Variants in NIT2 observed in about 807,000 individuals in gnomAD.
NIT2 encodes nitrilase family member 2, also known as omega-amidase NIT2.
A neutral mutation model predicts 42.7 loss-of-function variants in NIT2; 46 were observed. The ratio of observed to expected loss-of-function variants is 1.08; its 90% CI spans 0.85 to 1.38. The LOEUF (loss-of-function observed/expected upper bound fraction) is 1.38, where lower values mean the gene tolerates loss of function less well. Among genes scored for constraint, NIT2 ranks in the 40% most tolerant of loss-of-function variants. The pLI, the probability that NIT2 is intolerant of heterozygous loss-of-function variation, is 0.00. For missense variants in NIT2, 309 were observed against 342.5 expected (o/e 0.90, Z 0.77); for synonymous variants, 123 against 121.9 (o/e 1.01, Z -0.06).
rs772538533 is a variant in NIT2, at chr3:100,339,152, T to G, written c.73T>G (p.Cys25Gly). 1.2e-6 allele frequency: 2 copies of G among 1,614,044 alleles called. No homozygotes were observed. The highest frequency in any genetic ancestry group is 1.7e-6 in the Non-Finnish European group (2 of 1,180,006). ...SIKSDNVTRACSFIREAATQG... is the reference protein window; with the variant it reads ...SIKSDNVTRAGSFIREAATQG... ...CAAATCAGATAACGTCACTCGCGCT[T>G]GTAGCTTCATCCGGGAGGCAGCAAC... Residue 25 changes from cysteine (C) to glycine (G), a missense_variant, in exon 2 of 10, where the codon TGT becomes GGT. By Grantham distance (159) the Cys-to-Gly change is radical (BLOSUM62 -3). Coordinates refer to ENST00000394140, the MANE Select transcript of NIT2 (RefSeq NM_020202.5).
At position 100,358,794 on chromosome 3, in the gene NIT2, A is replaced by G. The variant is rs888251994; in HGVS notation, c.*3526A>G. On this transcript the variant is annotated 3_prime_UTR_variant, in exon 10 of 10. Coordinates refer to ENST00000394140, the MANE Select transcript of NIT2 (RefSeq NM_020202.5). ...GTACACCAAGTGGAAAAAAGTTTAG[A>G]CAAGAGTTTAGGTTTCAAGATAAAT... 6.6e-6 allele frequency: 1 copy of G among 152,200 alleles called. No homozygotes were observed. The highest frequency in any genetic ancestry group is 6.5e-5 in the Admixed American group (1 of 15,284). 9.4% of individuals were successfully genotyped at this position (152,200 alleles called of 1,614,324 possible). A position where few individuals can be genotyped will look rare whatever the true frequency, so the allele number is the denominator to read the frequency against.
chr3:100,351,033 A>G (rs1044259555), intron 7 of NIT2, among the ~76,000 whole-genome samples: 9 of 152,142 alleles, frequency 5.9e-5, no homozygotes, highest in Non-Finnish European at 1.2e-4. Flanking sequence ...AAAGGACATG[A>G]ACTCATCATT....
intron 7 of NIT2, chr3:100,349,108 CTTTTT>C (rs748206956): frequency 1.3e-5 from 3 of 229,412 alleles, no homozygotes; most frequent in Non-Finnish European, 2.5e-5. Flanking sequence ...GGAAACTGTA[CTTTTT>C]TTTTTTTTTT....
In NIT2 at chr3:100,352,516, A is replaced by C; in HGVS notation, c.683+14A>C. ...GGTGAACCCTTGGTGAGTAAGGCTA[A>C]GTGAGAATAGGCTCAGTCGGAGCTT... On this transcript the variant is annotated intron_variant, in intron 8 of 9. Coordinates refer to ENST00000394140, the MANE Select transcript of NIT2 (RefSeq NM_020202.5). The C allele has an allele frequency of 6.2e-7, 1 of 1,601,086 alleles. No individual in the cohort carries two copies. The highest frequency in any genetic ancestry group is 8.6e-7 in the Non-Finnish European group (1 of 1,168,860).
At chr3:100,348,167 C>T (rs1401145869) in intron 6 of NIT2, among the ~76,000 whole-genome samples, 2 of 152,224 alleles carry the variant, frequency 1.3e-5, no homozygotes, top group East Asian at 1.9e-4. Flanking sequence ...GCTGGGATTA[C>T]AGGCGTGAGC....
At position 100,349,119 on chromosome 3, in the gene NIT2, T is replaced by C. The variant is rs1706247652; in HGVS notation, c.584+238T>C. The C allele has an allele frequency of 2.3e-5, 9 of 385,590 alleles. No homozygotes were observed. In the South Asian group the frequency reaches 2.4e-4, roughly 10 times the overall value. 23.9% of individuals were successfully genotyped at this position (385,590 alleles called of 1,614,324 possible). A position where few individuals can be genotyped will look rare whatever the true frequency, so the allele number is the denominator to read the frequency against. ...TTTTGGAAACTGTACTTTTTTTTTT[T>C]TTTTTTTCTTTTTAAGAGACGGGTC... On this transcript the variant is annotated intron_variant, in intron 7 of 9. Transcript: ENST00000394140.
At chr3:100,353,808 C>G (rs937610164) in intron 8 of NIT2, among the ~76,000 whole-genome samples, 4 of 144,022 alleles carry the variant, frequency 2.8e-5, no homozygotes, top group African/African-American at 7.8e-5. Flanking sequence ...GAGTTTCACT[C>G]TGTCGCCCAG....
chr3:100,354,669 C>T, intron 8 of NIT2, 103 bp from the exon 9 acceptor site: 1 of 766,410 alleles, frequency 1.3e-6, no homozygotes, highest in Non-Finnish European at 2.1e-6. Flanking sequence ...TTTTCAATCT[C>T]ATACTTTCCC....
At chr3:100,340,930 T>A in intron 3 of NIT2, 143 bp from the exon 4 acceptor site, 1 of 615,826 alleles carries the variant, frequency 1.6e-6, no homozygotes, top group Non-Finnish European at 2.9e-6. Flanking sequence ...AGGTGTTGCC[T>A]TATTCTAAAA....
rs144864421 is a variant in NIT2, at chr3:100,354,828, G to A, written c.739+1G>A. ...GAAGCAATCGTGTATTCAGACATAG[G>A]TAAGATTTTCCTGGGCATGGTTTAG... On this transcript the variant is annotated splice_donor_variant, in intron 9 of 9. Transcript: ENST00000394140. LOFTEE classifies it high-confidence loss of function. 1.9e-6 allele frequency: 3 copies of A among 1,610,590 alleles called. No individual in the cohort carries two copies. The highest frequency in any genetic ancestry group is 2.7e-5 in the African/African-American group (2 of 74,850).
intron 3 of NIT2, 125 bp from the exon 4 acceptor site, chr3:100,340,948 G>A: frequency 1.6e-6 from 1 of 639,856 alleles, no homozygotes; most frequent in South Asian, 2.0e-5. Flanking sequence ...AAAACAAAAT[G>A]AATAAATAAA....
chr3:100,346,383 C>G, intron 6 of NIT2, 128 bp downstream of exon 6: 1 of 775,982 alleles, frequency 1.3e-6, no homozygotes, highest in Admixed American at 2.3e-5. Context: ...AGCCCTTTCA[C>G]CCCCATGAGG....
At chr3:100,337,759 T>C (rs1217970609) in intron 1 of NIT2, among the ~76,000 whole-genome samples, 1 of 152,130 alleles carries the variant, frequency 6.6e-6, no homozygotes, top group African/African-American at 2.4e-5. Context: ...GGCGGAAAAT[T>C]TTATATAAAA....
In NIT2 at chr3:100,361,537, A is replaced by G. The variant is rs987371126; in HGVS notation, c.*6269A>G. On this transcript the variant is annotated 3_prime_UTR_variant, in exon 10 of 10. Transcript: ENST00000394140. ...TATCCCAGTGATCAGCAGGCCCTCCAGCATGAAGACCTTTGAGAAGGATCT... is the reference window on the plus strand; with the variant it reads ...TATCCCAGTGATCAGCAGGCCCTCCGGCATGAAGACCTTTGAGAAGGATCT... 29 of 152,258 alleles carry G rather than the reference A, an allele frequency of 1.9e-4. No individual in the cohort carries two copies. The highest frequency in any genetic ancestry group is 7.0e-4 in the African/African-American group (29 of 41,450). 9.4% of individuals were successfully genotyped at this position (152,258 alleles called of 1,614,324 possible).
At chr3:100,354,385 G>T (rs1000980951) in intron 8 of NIT2, among the ~76,000 whole-genome samples, 1 of 152,152 alleles carries the variant, frequency 6.6e-6, no homozygotes, top group Non-Finnish European at 1.5e-5. Flanking sequence ...CCATTGTAAA[G>T]GGGGGGTCCA....
intron 6 of NIT2, 119 bp downstream of exon 6, chr3:100,346,374 G>A: frequency 1.2e-6 from 1 of 847,672 alleles, no homozygotes. Flanking sequence ...TCCATCTTCA[G>A]CCCTTTCACC....
At position 100,360,292 on chromosome 3, in the gene NIT2, A is replaced by AGAAAGCAGT. The variant is rs900706456; in HGVS notation, c.*5035_*5043dup. 3.3e-5 allele frequency: 5 copies of AGAAAGCAGT among 152,274 alleles called. No homozygotes were observed. The highest frequency in any genetic ancestry group is 7.3e-5 in the Non-Finnish European group (5 of 68,092). The allele number at this position is 152,274 out of a possible 1,614,324, so 9.4% of individuals were successfully genotyped here. A position where few individuals can be genotyped will look rare whatever the true frequency, so the allele number is the denominator to read the frequency against. On this transcript the variant is annotated 3_prime_UTR_variant, in exon 10 of 10. Transcript: ENST00000394140. ...ATTTACTTAAGATCTTAGCTCCATT[A>AGAAAGCAGT]GAAAGCAGTGAAAGCAGTGTTAATT... is the stretch of plus-strand genomic sequence containing the variant.
In NIT2 at chr3:100,339,151, T is replaced by C. The variant is rs762120460; in HGVS notation, c.72T>C (p.Ala24=). 6.2e-7 allele frequency: 1 copy of C among 1,614,132 alleles called. No homozygotes were observed. Among genetic ancestry groups the C allele is most frequent in the East Asian group, 2.2e-5 (1 of 44,874 alleles). ...SSIKSDNVTR[A]CSFIREAATQ... ...TCAAATCAGATAACGTCACTCGCGC[T>C]TGTAGCTTCATCCGGGAGGCAGCAA... The change falls in exon 2 of 10, where the codon GCT becomes GCC. Residue 24 remains alanine, a synonymous_variant. Coordinates refer to ENST00000394140, the MANE Select transcript of NIT2 (RefSeq NM_020202.5).
chr3:100,352,088 A>G (rs1007178041), intron 7 of NIT2, among the ~76,000 whole-genome samples: 19 of 152,250 alleles, frequency 1.2e-4, no homozygotes, highest in African/African-American at 7.2e-5. Context: ...TAGAATGGCA[A>G]TCATTAAAAA....
Sources: gnomAD v4.1 joint callset for allele counts (sites outside exome capture counted in the v4.1 genomes callset) on GRCh38, gnomAD v4.1.1 for gene constraint, MANE v1.5 for transcripts, NCBI Gene and HGNC (gene_info 2026-07-23, HGNC 2026-07-21) for gene names.